ZNF704: variants seen among roughly 807,000 people sequenced by gnomAD.
ZNF704 encodes the protein zinc finger protein 704.
In ZNF704, 10 loss-of-function variants were observed where a neutral mutation model predicts 44.7. The ratio of observed to expected loss-of-function variants is 0.22; its 90% CI spans 0.14 to 0.38. The LOEUF (loss-of-function observed/expected upper bound fraction) is 0.38, where lower values mean the gene tolerates loss of function less well. Ranked by LOEUF, ZNF704 falls within the 10% of genes least tolerant of loss-of-function variation. The pLI, the probability that ZNF704 is intolerant of heterozygous loss-of-function variation, is 1.00. For synonymous variants in ZNF704, 211 were observed against 207.6 expected (o/e 1.02, Z -0.14); for missense variants, 390 against 545.5 (o/e 0.71, Z 2.84).
At chr8:80,657,377 A>G (rs939707996) in intron 7 of ZNF704, among the ~76,000 whole-genome samples, 1 of 152,172 alleles carries the variant, frequency 6.6e-6, no homozygotes, top group African/African-American at 2.4e-5. Flanking sequence ...CACAATTGGG[A>G]ATTCTCTGGT....
At chr8:80,684,272 G>A (rs1314725043) in intron 4 of ZNF704, among the ~76,000 whole-genome samples, 1 of 152,086 alleles carries the variant, frequency 6.6e-6, no homozygotes, top group Non-Finnish European at 1.5e-5. Context: ...TTTTGCTCAT[G>A]AGCCACAATA....
chr8:80,786,326 C>T (rs1807613657), intron 2 of ZNF704, among the ~76,000 whole-genome samples: 1 of 152,174 alleles, frequency 6.6e-6, no homozygotes, highest in South Asian at 2.1e-4. Flanking sequence ...AAGTGCTGAG[C>T]TACAGTCAGC....
intron 2 of ZNF704, among the ~76,000 whole-genome samples, chr8:80,793,091 A>T (rs1217055520): frequency 6.6e-6 from 1 of 152,242 alleles, no homozygotes; most frequent in Non-Finnish European, 1.5e-5. Context: ...GCTGACTAAA[A>T]ATGGCACATA....
intron 2 of ZNF704, among the ~76,000 whole-genome samples, chr8:80,800,407 G>A (rs1247190008): frequency 1.3e-5 from 2 of 151,704 alleles, no homozygotes; most frequent in Non-Finnish European, 2.9e-5. Context: ...AAAATGTTAA[G>A]GACAGTCAGG....
intron 2 of ZNF704, among the ~76,000 whole-genome samples, chr8:80,769,512 A>G (rs1466804894): frequency 6.6e-6 from 1 of 152,098 alleles, no homozygotes; most frequent in Non-Finnish European, 1.5e-5. Context: ...GATACCCTAA[A>G]TCATCTCTCT....
intron 2 of ZNF704, among the ~76,000 whole-genome samples, chr8:80,771,456 A>G (rs971856735): frequency 5.9e-5 from 9 of 152,110 alleles, no homozygotes; most frequent in Non-Finnish European, 8.8e-5. Flanking sequence ...TTTTTCTTTG[A>G]GAAATTTTAA....
rs1038648103 is a variant in ZNF704, at chr8:80,654,776, A to C, written c.1032+4809T>G. On this transcript the variant is annotated intron_variant, in intron 7 of 8. Transcript: ENST00000327835. ...AACTAGTTCAACCATTGTGGAAGTC[A>C]GTGTAGCGATTCCTCAGGGATCTAG... is the stretch of plus-strand genomic sequence containing the variant. Among the ~76,000 whole-genome samples, 31 of 152,366 alleles carry C rather than the reference A, an allele frequency of 2.0e-4. No individual in the cohort carries two copies. The South Asian group carries it at 3.7e-3, about 18-fold the overall frequency.
intron 2 of ZNF704, among the ~76,000 whole-genome samples, chr8:80,780,147 G>A (rs560701101): frequency 1.3e-5 from 2 of 152,252 alleles, no homozygotes; most frequent in East Asian, 3.9e-4. Context: ...GGGAGGAGCA[G>A]TGAGGGCAAC....
intron 2 of ZNF704, among the ~76,000 whole-genome samples, chr8:80,803,910 G>A (rs889860038): frequency 6.6e-6 from 1 of 152,098 alleles, no homozygotes; most frequent in Non-Finnish European, 1.5e-5. Flanking sequence ...TACAGAATAG[G>A]AGAAAATTTT....
chr8:80,768,131 T>C (rs1807259051), intron 2 of ZNF704, among the ~76,000 whole-genome samples: 1 of 152,162 alleles, frequency 6.6e-6, no homozygotes, highest in Non-Finnish European at 1.5e-5. Flanking sequence ...GAAAATACTG[T>C]CTATGAGATA....
intron 1 of ZNF704, among the ~76,000 whole-genome samples, chr8:80,831,447 C>A (rs1808471434): frequency 6.6e-6 from 1 of 152,138 alleles, no homozygotes; most frequent in African/African-American, 2.4e-5. Flanking sequence ...TAGCTTGCTG[C>A]TTCTTTGAAG....
chr8:80,664,802 C>T lies in ZNF704; in HGVS notation c.927+13G>A, dbSNP rs1818162873. The T allele has an allele frequency of 6.2e-7, 1 of 1,613,554 alleles. No individual in the cohort carries two copies. Among genetic ancestry groups the T allele is most frequent in the African/African-American group, 1.3e-5 (1 of 74,902 alleles). The stretch of plus-strand genomic sequence containing the variant: ...GGTCAAAGTGATTGCTCTCACAGTC[C>T]CCTGCAAGTCACCTGGTAAGCATGG... On this transcript the variant is annotated intron_variant, in intron 6 of 8. Coordinates refer to ENST00000327835, the MANE Select transcript of ZNF704 (RefSeq NM_001033723.3).
chr8:80,809,611 T>C (rs1201526985), intron 2 of ZNF704, among the ~76,000 whole-genome samples: 1 of 152,186 alleles, frequency 6.6e-6, no homozygotes, highest in African/African-American at 2.4e-5. Flanking sequence ...CCTTGAGAAA[T>C]GCCAGTGTAT....
chr8:80,871,684 T>G (rs949489300), intron 1 of ZNF704, among the ~76,000 whole-genome samples: 2 of 152,232 alleles, frequency 1.3e-5, no homozygotes, highest in African/African-American at 4.8e-5. Context: ...CAATAAATAT[T>G]TGTTGAATAA....
intron 7 of ZNF704, among the ~76,000 whole-genome samples, chr8:80,650,064 G>C (rs1204552301): frequency 1.3e-5 from 2 of 152,222 alleles, no homozygotes; most frequent in African/African-American, 4.8e-5. Flanking sequence ...GTCTGGAGTG[G>C]ACCGCCAGCA....
At chr8:80,645,497 T>C (rs1417799862) in intron 7 of ZNF704, among the ~76,000 whole-genome samples, 1 of 152,100 alleles carries the variant, frequency 6.6e-6, no homozygotes, top group Admixed American at 6.5e-5. Flanking sequence ...ATGCTGGAGG[T>C]GGGGCCTGGT....
rs1251056927 is a variant in ZNF704, at chr8:80,636,785, C to T, written c.*4581G>A. The T allele has an allele frequency of 6.6e-6, 1 of 152,174 alleles. No homozygotes were observed. The highest frequency in any genetic ancestry group is 1.5e-5 in the Non-Finnish European group (1 of 68,036). 9.4% of individuals were successfully genotyped at this position (152,174 alleles called of 1,614,324 possible). On this transcript the variant is annotated 3_prime_UTR_variant, in exon 9 of 9. Coordinates refer to ENST00000327835, the MANE Select transcript of ZNF704 (RefSeq NM_001033723.3). ...TTCCCTGAGTTCACACAGGTCAGTG[C>T]TACAGAAGATGTGGTCGATAGCAAT...
intron 2 of ZNF704, among the ~76,000 whole-genome samples, chr8:80,796,965 A>AGGG (rs1563556621): frequency 1.8e-5 from 2 of 108,696 alleles, no homozygotes; most frequent in African/African-American, 3.6e-5. Context: ...GAGAGAAGGA[A>AGGG]AGGGAGGGAG....
intron 1 of ZNF704, among the ~76,000 whole-genome samples, chr8:80,865,358 C>T (rs546188841): frequency 6.6e-5 from 10 of 152,270 alleles, no homozygotes; most frequent in African/African-American, 2.4e-4. Context: ...AGTGGAGAAG[C>T]TAGAATCTGA....
Sources: gnomAD v4.1 joint callset for allele counts (sites outside exome capture counted in the v4.1 genomes callset) on GRCh38, gnomAD v4.1.1 for gene constraint, MANE v1.5 for transcripts, NCBI Gene and HGNC (gene_info 2026-07-23, HGNC 2026-07-21) for gene names.